The following ZNF343 variants were observed in gnomAD, a reference collection of about 807,000 sequenced individuals.
ZNF343 encodes the protein zinc finger protein 343.
ZNF343 carries 11 observed loss-of-function variants against 13.8 expected under a neutral mutation model. The observed-to-expected ratio is 0.80, with a 90% CI of 0.50 to 1.32. ZNF343 has a LOEUF of 1.32. ZNF343 is among the 40% of genes most tolerant of loss of function. The probability of loss-of-function intolerance (pLI) is 0.00; values close to 1 mark genes in which losing one functional copy is unlikely to be tolerated. For synonymous variants in ZNF343, 248 were observed against 260.0 expected (o/e 0.95, Z 0.44); for missense variants, 658 against 714.2 (o/e 0.92, Z 0.90).
chr20:2,493,309 A>ATT (rs1279256899), intron 4 of ZNF343, among the ~76,000 whole-genome samples: 6 of 152,238 alleles, frequency 3.9e-5, no homozygotes, highest in Non-Finnish European at 5.9e-5. Context: ...TGGAATGAGC[A>ATT]TTTTTTAAAA....
In ZNF343 at chr20:2,483,782, CT is replaced by C; in HGVS notation, c.1178del (p.Lys393SerfsTer218). 1 of 1,613,654 alleles carries C rather than the reference CT, an allele frequency of 6.2e-7. No individual in the cohort carries two copies. Among genetic ancestry groups the C allele is most frequent in the Middle Eastern group, 1.6e-4 (1 of 6,062 alleles). Reference sequence around the variant, plus strand: ...TCCTCTGGTGTTTTCTGAGGGTTGACTTATCACAAAAGCTTCGTCCACACTC... The same window carrying C: ...TCCTCTGGTGTTTTCTGAGGGTTGACTATCACAAAAGCTTCGTCCACACTC... ...CLECGRSFCDKSTLRKHQRIH... is the reference protein window; with the variant it reads ...CLECGRSFCDXSTLRKHQRIH... On this transcript the variant is annotated frameshift_variant, in exon 6 of 6. Coordinates refer to ENST00000278772, the MANE Select transcript of ZNF343 (RefSeq NM_024325.6). LOFTEE classifies it low-confidence loss of function (END_TRUNC).
chr20:2,521,511 G>A (rs984682512), intron 1 of ZNF343, among the ~76,000 whole-genome samples: 3 of 152,226 alleles, frequency 2.0e-5, no homozygotes, highest in Non-Finnish European at 4.4e-5. Context: ...GCCCTCACCT[G>A]ATGGGAGACC....
intron 1 of ZNF343, among the ~76,000 whole-genome samples, chr20:2,516,033 G>A (rs1484912489): frequency 6.6e-6 from 1 of 152,096 alleles, no homozygotes; most frequent in Non-Finnish European, 1.5e-5. Context: ...GATTGAAAGT[G>A]AGAGTGATGG....
At chr20:2,523,533 T>C (rs1362951249) in intron 1 of ZNF343, among the ~76,000 whole-genome samples, 1 of 152,086 alleles carries the variant, frequency 6.6e-6, no homozygotes, top group African/African-American at 2.4e-5. Context: ...AAAATCCATA[T>C]GGAAATATTC....
At position 2,496,415 on chromosome 20, in the gene ZNF343, C is replaced by T. The variant is rs371763694; in HGVS notation, c.-149-2371G>A. ...AGTGGTGGCAGTTAAGAGCAGTCAA[C>T]GACAGCGGTACCAGGGCACAGGTCA... On this transcript the variant is annotated intron_variant, in intron 2 of 5. Transcript: ENST00000278772. Among the ~76,000 whole-genome samples, 9 of 152,268 alleles carry T rather than the reference C, an allele frequency of 5.9e-5. No individual in the cohort carries two copies. The South Asian group carries it at 1.2e-3, about 21-fold the overall frequency.
intron 5 of ZNF343, among the ~76,000 whole-genome samples, chr20:2,488,618 G>A (rs1267160925): frequency 2.0e-5 from 3 of 151,982 alleles, no homozygotes; most frequent in Non-Finnish European, 1.5e-5. Context: ...TTATTTTTCA[G>A]TGCATTCTTG....
chr20:2,522,293 C>T (rs2085786040), intron 1 of ZNF343, among the ~76,000 whole-genome samples: 1 of 152,136 alleles, frequency 6.6e-6, no homozygotes, highest in Non-Finnish European at 1.5e-5. Context: ...GGTTCTAACT[C>T]ATTTTATTTA....
Position 2,484,097 on chromosome 20 carries a change from A to G in ZNF343, c.864T>C (p.His288=). 2 of 1,614,046 alleles carry G rather than the reference A, an allele frequency of 1.2e-6. No individual in the cohort carries two copies. Among genetic ancestry groups the G allele is most frequent in the Non-Finnish European group, 1.7e-6 (2 of 1,180,000 alleles). The change falls in exon 6 of 6, where the codon CAT becomes CAC. Residue 288 remains histidine, a synonymous_variant. Transcript: ENST00000278772. ...AAGGCTTCTCCATCGAGTGTATACG[A>G]TGGTGTCTGATGAGGGTTGATCTAT... is the stretch of plus-strand genomic sequence containing the variant. ...FKDRSTLIRH[H]RIHSMEKPYV...
At chr20:2,493,612 C>G in intron 3 of ZNF343, 35 bp from the exon 4 acceptor site, 1 of 1,193,366 alleles carries the variant, frequency 8.4e-7, no homozygotes, top group Admixed American at 2.0e-5. Flanking sequence ...AGAAACCAGA[C>G]CCCCCCACCC....
intron 5 of ZNF343, among the ~76,000 whole-genome samples, chr20:2,486,984 C>A (rs567337389): frequency 6.6e-6 from 1 of 152,228 alleles, no homozygotes; most frequent in South Asian, 2.1e-4. Flanking sequence ...CATTGTATAA[C>A]AAAAGCAGCC....
chr20:2,505,807 A>C (rs1157947669), intron 1 of ZNF343, among the ~76,000 whole-genome samples: 2 of 152,226 alleles, frequency 1.3e-5, no homozygotes, highest in Non-Finnish European at 2.9e-5. Context: ...TGGATTAAAG[A>C]CTTAAATGTT....
At chr20:2,519,169 A>G (rs181126094) in intron 1 of ZNF343, among the ~76,000 whole-genome samples, 126 of 152,194 alleles carry the variant, frequency 8.3e-4, no homozygotes, top group African/African-American at 2.9e-3. Context: ...ACCCATACTC[A>G]TTCTCTACTT....
rs547253952 is a variant in ZNF343 at position 2,504,443 on chromosome 20, C to T, written c.-236-3701G>A. On this transcript the variant is annotated intron_variant, in intron 1 of 5. Coordinates refer to ENST00000278772, the MANE Select transcript of ZNF343 (RefSeq NM_024325.6). ...GAAAAAGAAGGAATCCTCCCTAACT[C>T]ATTTTATGAGGCCAGCATCATCCTG... Among the ~76,000 whole-genome samples the T allele has an allele frequency of 3.3e-5, 5 of 152,314 alleles. No individual in the cohort carries two copies. In the East Asian group the frequency reaches 9.6e-4, roughly 29 times the overall value.
chr20:2,523,026 T>C (rs578252349), intron 1 of ZNF343, among the ~76,000 whole-genome samples: 141 of 152,294 alleles, frequency 9.3e-4, no homozygotes, highest in African/African-American at 3.3e-3. Flanking sequence ...CAGCACAAGA[T>C]ACAGGTCACA....
intron 1 of ZNF343, among the ~76,000 whole-genome samples, chr20:2,506,087 C>T (rs1384789148): frequency 1.3e-5 from 2 of 152,200 alleles, no homozygotes; most frequent in South Asian, 4.2e-4. Context: ...TGAACTCCAA[C>T]AAATTTACAA....
intron 1 of ZNF343, among the ~76,000 whole-genome samples, chr20:2,516,543 C>T (rs759330029): frequency 6.6e-6 from 1 of 151,960 alleles, no homozygotes; most frequent in Admixed American, 6.6e-5. Context: ...AAGTAAGAGT[C>T]CATCTGAGGA....
chr20:2,513,776 A>G (rs1260298084), upstream of ZNF343, among the ~76,000 whole-genome samples: 1 of 152,262 alleles, frequency 6.6e-6, no homozygotes, highest in Non-Finnish European at 1.5e-5. Flanking sequence ...TGATAAATCC[A>G]TACAATCAAA....
Position 2,483,328 on chromosome 20 carries a change from CTGAG to C in ZNF343, c.1629_1632del (p.His543GlnfsTer67). 1.2e-6 allele frequency: 2 copies of C among 1,611,492 alleles called. No individual in the cohort carries two copies. Among genetic ancestry groups the C allele is most frequent in the Non-Finnish European group, 1.7e-6 (2 of 1,179,392 alleles). On this transcript the variant is annotated frameshift_variant, in exon 6 of 6. Transcript: ENST00000278772. LOFTEE classifies it low-confidence loss of function (END_TRUNC). ...TCACTGCACACGTAAGGCTTCTCTCCTGAGTGTGTCCTCTCATGTACAATGAGGG... is the reference window on the plus strand; with the variant it reads ...TCACTGCACACGTAAGGCTTCTCTCCTGTGTCCTCTCATGTACAATGAGGG...
intron 1 of ZNF343, among the ~76,000 whole-genome samples, chr20:2,519,358 G>T (rs2085773157): frequency 6.6e-6 from 1 of 152,018 alleles, no homozygotes; most frequent in Non-Finnish European, 1.5e-5. Flanking sequence ...ACTCACTCTG[G>T]TCCTAACCAT....
Sources: allele counts gnomAD v4.1 joint callset (sites outside exome capture counted in the v4.1 genomes callset), GRCh38; gene constraint gnomAD v4.1.1; transcripts MANE v1.5; gene names NCBI Gene and HGNC (gene_info 2026-07-23, HGNC 2026-07-21).